The following KCNIP4 variants were observed in gnomAD, a reference collection of about 807,000 sequenced individuals.
The protein encoded by KCNIP4 is potassium voltage-gated channel interacting protein 4.
A neutral mutation model predicts 34.0 loss-of-function variants in KCNIP4; 12 were observed. That is an observed-to-expected ratio of 0.35 (90% CI 0.23 to 0.57). The LOEUF (loss-of-function observed/expected upper bound fraction) is 0.57. KCNIP4 is among the 20% of genes least tolerant of loss of function. The probability of loss-of-function intolerance (pLI) is 0.83; values close to 1 mark genes in which losing one functional copy is unlikely to be tolerated. For synonymous variants in KCNIP4, 124 were observed against 102.2 expected (o/e 1.21, Z -1.29); for missense variants, 238 against 311.7 (o/e 0.76, Z 1.78).
intron 1 of KCNIP4, among the ~76,000 whole-genome samples, chr4:21,096,684 C>T (rs1372124276): frequency 6.6e-6 from 1 of 152,050 alleles, no homozygotes; most frequent in Non-Finnish European, 1.5e-5. Context: ...ATTTTATATA[C>T]TAAATATATT....
At chr4:21,414,727 C>T (rs1438493550) in intron 1 of KCNIP4, among the ~76,000 whole-genome samples, 1 of 152,076 alleles carries the variant, frequency 6.6e-6, no homozygotes, top group African/African-American at 2.4e-5. Context: ...GTGGTACATA[C>T]AATGGAATAT....
intron 1 of KCNIP4, among the ~76,000 whole-genome samples, chr4:21,758,187 C>T (rs1409615835): frequency 6.6e-6 from 1 of 152,020 alleles, no homozygotes; most frequent in Non-Finnish European, 1.5e-5. Context: ...AATTTGTGTC[C>T]TATATACTGT....
chr4:21,020,213 C>T (rs889597103), intron 1 of KCNIP4, among the ~76,000 whole-genome samples: 12 of 152,098 alleles, frequency 7.9e-5, no homozygotes, highest in African/African-American at 2.7e-4. Flanking sequence ...ATGTCCTTGA[C>T]TATTCTCAAA....
At chr4:21,642,288 T>C (rs1471359784) in intron 1 of KCNIP4, among the ~76,000 whole-genome samples, 1 of 152,098 alleles carries the variant, frequency 6.6e-6, no homozygotes, top group East Asian at 1.9e-4. Flanking sequence ...GTGTCAGCTA[T>C]GAGACAGTAC....
At chr4:21,928,792 G>T (rs1729407355) in intron 1 of KCNIP4, among the ~76,000 whole-genome samples, 1 of 151,878 alleles carries the variant, frequency 6.6e-6, no homozygotes, top group African/African-American at 2.4e-5. Flanking sequence ...CAAATCCGTT[G>T]CACATGTCCT....
At position 20,734,740 on chromosome 4, in the gene KCNIP4, A is replaced by G. The variant is rs761104856; in HGVS notation, c.430-5T>C. 8 of 1,500,192 alleles carry G rather than the reference A, an allele frequency of 5.3e-6. No homozygotes were observed. In the East Asian group the frequency reaches 1.6e-4, roughly 30 times the overall value. 92.9% of individuals were successfully genotyped at this position (1,500,192 alleles called of 1,614,324 possible). A position where few individuals can be genotyped will look rare whatever the true frequency, so the allele number is the denominator to read the frequency against. On this transcript the variant is annotated splice_polypyrimidine_tract_variant and splice_region_variant and intron_variant, in intron 5 of 8. Coordinates refer to ENST00000382152, the MANE Select transcript of KCNIP4 (RefSeq NM_025221.6). ...GGAAAGACCTTTGATGAAATCCTGA[A>G]AAGAAATAAAAATTCAATTTTATAT...
intron 1 of KCNIP4, among the ~76,000 whole-genome samples, chr4:21,486,383 T>C (rs1731915940): frequency 6.6e-6 from 1 of 152,130 alleles, no homozygotes; most frequent in South Asian, 2.1e-4. Flanking sequence ...AAAAGCTGAA[T>C]TTGTAAATAT....
intron 1 of KCNIP4, among the ~76,000 whole-genome samples, chr4:21,257,737 A>C (rs1157906412): frequency 6.7e-6 from 1 of 148,942 alleles, no homozygotes; most frequent in Non-Finnish European, 1.5e-5. Flanking sequence ...GTGACACAGC[A>C]AGACTCAGTC....
At chr4:20,882,586 A>C (rs1560539877) in intron 2 of KCNIP4, 22 bp downstream of exon 2, 2 of 1,582,008 alleles carry the variant, frequency 1.3e-6, no homozygotes, top group Non-Finnish European at 1.7e-6. Flanking sequence ...GAGGAAAAAA[A>C]AAAACAAAAA....
At chr4:21,076,383 C>T (rs1358693584) in intron 1 of KCNIP4, among the ~76,000 whole-genome samples, 2 of 152,084 alleles carry the variant, frequency 1.3e-5, no homozygotes, top group Non-Finnish European at 2.9e-5. Context: ...CTCTTATAGC[C>T]TGTGCCACAA....
intron 1 of KCNIP4, among the ~76,000 whole-genome samples, chr4:21,737,486 T>C (rs984853202): frequency 6.6e-6 from 1 of 152,126 alleles, no homozygotes; most frequent in African/African-American, 2.4e-5. Context: ...GTGCAAACTT[T>C]CTCTTTGACA....
chr4:21,071,175 G>C (rs1423653974), intron 1 of KCNIP4, among the ~76,000 whole-genome samples: 1 of 152,026 alleles, frequency 6.6e-6, no homozygotes, highest in East Asian at 1.9e-4. Context: ...ACAAGTCCCA[G>C]GTCCTGAAGA....
At chr4:20,935,375 G>A (rs146540849) in intron 1 of KCNIP4, among the ~76,000 whole-genome samples, 108 of 152,196 alleles carry the variant, frequency 7.1e-4, no homozygotes, top group South Asian at 2.7e-3. Flanking sequence ...GCTTCCAAGC[G>A]CTTGCCAAAT....
chr4:21,580,647 T>C (rs1459844161), intron 1 of KCNIP4, among the ~76,000 whole-genome samples: 1 of 152,108 alleles, frequency 6.6e-6, no homozygotes. Flanking sequence ...ATTCTCAGCA[T>C]TCTCCCAAAT....
chr4:21,586,347 A>G (rs1741606378), intron 1 of KCNIP4, among the ~76,000 whole-genome samples: 1 of 152,030 alleles, frequency 6.6e-6, no homozygotes, highest in Non-Finnish European at 1.5e-5. Flanking sequence ...TGCTCAGAAT[A>G]TATGTGTTGA....
At chr4:21,908,179 C>A (rs1049662040) in intron 1 of KCNIP4, among the ~76,000 whole-genome samples, 2 of 152,156 alleles carry the variant, frequency 1.3e-5, no homozygotes, top group South Asian at 4.1e-4. Flanking sequence ...ACAAAAGAGT[C>A]ATATATCCTT....
intron 1 of KCNIP4, among the ~76,000 whole-genome samples, chr4:21,240,351 T>A (rs1006442317): frequency 6.6e-6 from 1 of 151,742 alleles, no homozygotes; most frequent in African/African-American, 2.4e-5. Flanking sequence ...ATTGTGCACA[T>A]GTACCCTAAA....
chr4:20,894,375 A>G (rs1307293155), intron 1 of KCNIP4, among the ~76,000 whole-genome samples: 1 of 152,116 alleles, frequency 6.6e-6, no homozygotes, highest in Non-Finnish European at 1.5e-5. Context: ...TATACAATGA[A>G]TCTTCTCCTC....
At chr4:20,780,367 A>C (rs1468880300) in intron 3 of KCNIP4, among the ~76,000 whole-genome samples, 2 of 152,212 alleles carry the variant, frequency 1.3e-5, no homozygotes, top group Admixed American at 6.5e-5. Context: ...AAAACACTGA[A>C]GCTCAGGTGA....
Sources: allele counts gnomAD v4.1 joint callset (sites outside exome capture counted in the v4.1 genomes callset), GRCh38; gene constraint gnomAD v4.1.1; transcripts MANE v1.5; gene names NCBI Gene and HGNC (gene_info 2026-07-23, HGNC 2026-07-21).